The following STX12 variants were observed in gnomAD, a reference collection of about 807,000 sequenced individuals.
The protein encoded by STX12 is syntaxin 12, also known as syntaxin-12.
A neutral mutation model predicts 42.2 loss-of-function variants in STX12; 17 were observed. That is an observed-to-expected ratio of 0.40 (90% CI 0.28 to 0.60). The LOEUF is 0.60. STX12 is among the 20% of genes least tolerant of loss of function. STX12 has a pLI of 0.39. For synonymous variants in STX12, 108 were observed against 116.7 expected, an observed-to-expected ratio of 0.93 and a Z score of 0.48; for missense variants, 297 against 330.9, an observed-to-expected ratio of 0.90 and a Z score of 0.79.
chr1:27,796,625 C>T (rs2088787380), intron 3 of STX12, among the ~76,000 whole-genome samples: 1 of 151,798 alleles, frequency 6.6e-6, no homozygotes, highest in Non-Finnish European at 1.5e-5. Flanking sequence ...CTCCTGGGCT[C>T]AAGCAATCCT....
intron 7 of STX12, 95 bp from the exon 8 acceptor site, chr1:27,819,555 A>G (rs1412816812): frequency 1.0e-6 from 1 of 995,470 alleles, no homozygotes; most frequent in Non-Finnish European, 1.5e-6. Context: ...GGATAGTGGT[A>G]GTGAAACCAG....
chr1:27,812,010 G>A (rs1411197954), intron 5 of STX12, 153 bp from the exon 6 acceptor site: 1 of 708,134 alleles, frequency 1.4e-6, no homozygotes, highest in East Asian at 2.8e-5. Context: ...TTCTGGATAT[G>A]AAGAATGTGG....
intron 1 of STX12, among the ~76,000 whole-genome samples, chr1:27,781,128 C>G (rs2088665230): frequency 6.6e-6 from 1 of 152,156 alleles, no homozygotes; most frequent in Non-Finnish European, 1.5e-5. Context: ...ACTGCAACCT[C>G]TGCCTCCCGG....
chr1:27,797,311 C>G (rs2088793262), intron 3 of STX12, among the ~76,000 whole-genome samples: 1 of 152,180 alleles, frequency 6.6e-6, no homozygotes, highest in South Asian at 2.1e-4. Flanking sequence ...CCTGCCTCGG[C>G]CTTCCAAAGT....
chr1:27,801,023 T>C (rs2088824054), intron 3 of STX12, among the ~76,000 whole-genome samples: 2 of 152,254 alleles, frequency 1.3e-5, no homozygotes, highest in South Asian at 2.1e-4. Flanking sequence ...TGGATTCAAC[T>C]GGAGTCCAGA....
chr1:27,803,050 A>C (rs77887176), intron 4 of STX12, among the ~76,000 whole-genome samples: 3,429 of 152,264 alleles, frequency 0.023, 111 homozygotes, highest in African/African-American at 0.076. Context: ...TAAGAGGTTA[A>C]ATACGGAAGA....
intron 2 of STX12, among the ~76,000 whole-genome samples, chr1:27,792,270 G>T: frequency 8.2e-6 from 1 of 121,580 alleles, no homozygotes; most frequent in Admixed American, 8.8e-5. Flanking sequence ...ACATATATAT[G>T]TATCTATATA....
intron 6 of STX12, 117 bp from the exon 7 acceptor site, chr1:27,817,734 A>G: frequency 1.3e-6 from 1 of 793,200 alleles, no homozygotes; most frequent in South Asian, 1.7e-5. Context: ...TGGAGAAAGC[A>G]TGCTTTGTAG....
At chr1:27,813,827 C>T (rs1254997868) in intron 6 of STX12, among the ~76,000 whole-genome samples, 1 of 152,092 alleles carries the variant, frequency 6.6e-6, no homozygotes, top group Non-Finnish European at 1.5e-5. Flanking sequence ...TTAAAAAGTT[C>T]CCCCAGGTGA....
intron 7 of STX12, 162 bp downstream of exon 7, chr1:27,818,085 A>G: frequency 1.6e-6 from 1 of 617,640 alleles, no homozygotes; most frequent in Non-Finnish European, 2.8e-6. Context: ...AGAAAGAAAG[A>G]AAGAAAAAGG....
intron 4 of STX12, 140 bp from the exon 5 acceptor site, chr1:27,810,106 G>T: frequency 1.4e-6 from 1 of 698,210 alleles, no homozygotes. Context: ...GAGACAGATT[G>T]CCAGAGTCCT....
chr1:27,795,685 G>C (rs1391729999), intron 3 of STX12, among the ~76,000 whole-genome samples: 1 of 152,196 alleles, frequency 6.6e-6, no homozygotes, highest in Non-Finnish European at 1.5e-5. Context: ...ACTGTTCCAT[G>C]TAGCATATCT....
chr1:27,791,145 C>T (rs752848382), intron 2 of STX12, among the ~76,000 whole-genome samples: 9 of 151,964 alleles, frequency 5.9e-5, no homozygotes, highest in South Asian at 4.2e-4. Context: ...CCTGTAATCC[C>T]GGCTACTTGG....
intron 6 of STX12, among the ~76,000 whole-genome samples, chr1:27,816,799 C>T (rs1436868376): frequency 6.6e-6 from 1 of 151,916 alleles, no homozygotes; most frequent in East Asian, 1.9e-4. Context: ...GCCTGTAATC[C>T]CAGCTACTCA....
At chr1:27,808,331 ATTT>A (rs910255467) in intron 4 of STX12, among the ~76,000 whole-genome samples, 2 of 143,084 alleles carry the variant, frequency 1.4e-5, no homozygotes, top group Non-Finnish European at 3.0e-5. Flanking sequence ...TTATTTATTT[ATTT>A]ATTTATTTAT....
chr1:27,784,426 C>A (rs1343208926), intron 1 of STX12, among the ~76,000 whole-genome samples: 2 of 152,064 alleles, frequency 1.3e-5, no homozygotes, highest in Non-Finnish European at 2.9e-5. Flanking sequence ...CACTATGTTG[C>A]CCAGGCTGGT....
At chr1:27,818,932 C>T (rs1014203393) in intron 7 of STX12, among the ~76,000 whole-genome samples, 1 of 143,520 alleles carries the variant, frequency 7.0e-6, no homozygotes, top group African/African-American at 3.0e-5. Flanking sequence ...TGGCCAGTAA[C>T]TCTTTTTTTT....
intron 3 of STX12, among the ~76,000 whole-genome samples, chr1:27,798,745 C>T (rs2088805259): frequency 7.3e-6 from 1 of 137,090 alleles, no homozygotes; most frequent in Non-Finnish European, 1.5e-5. Flanking sequence ...CGTGCCACTG[C>T]ACTCCAGACT....
intron 6 of STX12, among the ~76,000 whole-genome samples, chr1:27,812,720 C>T (rs1281807893): frequency 1.3e-5 from 2 of 152,116 alleles, no homozygotes; most frequent in African/African-American, 2.4e-5. Flanking sequence ...GGATTACAGG[C>T]GTGAGTCACC....
Sources: gnomAD v4.1 joint callset for allele counts (sites outside exome capture counted in the v4.1 genomes callset) on GRCh38, gnomAD v4.1.1 for gene constraint, MANE v1.5 for transcripts, NCBI Gene and HGNC (gene_info 2026-07-23, HGNC 2026-07-21) for gene names.